TACR1: variants seen among roughly 807,000 people sequenced by gnomAD.
TACR1 encodes the protein tachykinin receptor 1.
Under a neutral mutation model 35.8 loss-of-function variants are expected in TACR1, and 25 were observed. The ratio of observed to expected loss-of-function variants is 0.70; its 90% CI spans 0.51 to 0.98. The LOEUF (loss-of-function observed/expected upper bound fraction) is 0.98. Ranked by LOEUF, TACR1 falls within the 50% of genes least tolerant of loss-of-function variation. TACR1 has a pLI of 0.00. For missense variants in TACR1, 478 were observed against 522.9 expected, an observed-to-expected ratio of 0.91 and a Z score of 0.84; for synonymous variants, 195 against 206.7, an observed-to-expected ratio of 0.94 and a Z score of 0.48.
chr2:75,190,093 C>T (rs1261448736), intron 1 of TACR1: 1 of 152,090 alleles, frequency 6.6e-6, no homozygotes, highest in African/African-American at 2.4e-5. Context: ...AGAAAACTTC[C>T]ATGATTTATA....
intron 1 of TACR1, among the ~76,000 whole-genome samples, chr2:75,128,732 T>C (rs112325549): frequency 1.3e-5 from 2 of 152,306 alleles, no homozygotes; most frequent in African/African-American, 4.8e-5. Context: ...TACCATTTCA[T>C]TTCCAGCTTG....
At chr2:75,185,050 C>T (rs983516619) in intron 1 of TACR1, among the ~76,000 whole-genome samples, 8 of 151,550 alleles carry the variant, frequency 5.3e-5, no homozygotes, top group Non-Finnish European at 8.9e-5. Context: ...CATGTTGATA[C>T]GATTAAAGAA....
chr2:75,190,578 G>A lies in TACR1; in HGVS notation c.389+7968C>T, dbSNP rs192450786. Reference sequence around the variant, plus strand: ...ATTGTGTGTCAGAGTTTACTAGAGGGCATAATATTAATTACTATTAATTGG... The same window carrying A: ...ATTGTGTGTCAGAGTTTACTAGAGGACATAATATTAATTACTATTAATTGG... On this transcript the variant is annotated intron_variant, in intron 1 of 4. Transcript: ENST00000305249. Among the ~76,000 whole-genome samples the A allele has an allele frequency of 8.5e-5, 13 of 152,264 alleles. No individual in the cohort carries two copies. In the East Asian group the frequency reaches 1.4e-3, roughly 16 times the overall value.
At chr2:75,139,443 A>G (rs945544468) in intron 1 of TACR1, among the ~76,000 whole-genome samples, 1 of 152,230 alleles carries the variant, frequency 6.6e-6, no homozygotes, top group Non-Finnish European at 1.5e-5. Flanking sequence ...GAGAGCAGCA[A>G]AGGAGAATCT....
intron 1 of TACR1, among the ~76,000 whole-genome samples, chr2:75,138,690 G>A (rs771296211): frequency 1.3e-5 from 2 of 152,084 alleles, no homozygotes; most frequent in Non-Finnish European, 2.9e-5. Flanking sequence ...GCCTCTCCTG[G>A]CTCTGTCCTT....
At chr2:75,147,487 G>A (rs1370764353) in intron 1 of TACR1, among the ~76,000 whole-genome samples, 5 of 152,166 alleles carry the variant, frequency 3.3e-5, no homozygotes, top group African/African-American at 1.2e-4. Flanking sequence ...TGCCATGGTG[G>A]TTTGCTGCAC....
chr2:75,164,640 T>C (rs1347079624), intron 1 of TACR1, among the ~76,000 whole-genome samples: 3 of 152,196 alleles, frequency 2.0e-5, no homozygotes, highest in African/African-American at 7.2e-5. Context: ...AAAAAAATTA[T>C]GTGATAACTA....
chr2:75,152,893 C>G (rs1254009124), intron 1 of TACR1, among the ~76,000 whole-genome samples: 1 of 152,096 alleles, frequency 6.6e-6, no homozygotes, highest in East Asian at 1.9e-4. Flanking sequence ...GCCAAGACTT[C>G]TTTTTTGTTT....
chr2:75,095,902 G>T (rs1673412852), intron 2 of TACR1, among the ~76,000 whole-genome samples: 1 of 152,190 alleles, frequency 6.6e-6, no homozygotes, highest in Non-Finnish European at 1.5e-5. Context: ...CCTGACTAAG[G>T]AGAAAGATTC....
intron 1 of TACR1, among the ~76,000 whole-genome samples, chr2:75,186,151 A>G (rs1208050203): frequency 1.3e-5 from 2 of 152,120 alleles, no homozygotes; most frequent in African/African-American, 4.8e-5. Context: ...AGGCGGGCGG[A>G]TCACGAGGTC....
intron 1 of TACR1, among the ~76,000 whole-genome samples, chr2:75,140,647 A>G (rs1347034689): frequency 6.6e-6 from 1 of 152,198 alleles, no homozygotes; most frequent in Non-Finnish European, 1.5e-5. Context: ...CTCCATCATC[A>G]TTATCTGTTG....
chr2:75,140,820 G>A (rs1674385848), intron 1 of TACR1, among the ~76,000 whole-genome samples: 1 of 152,184 alleles, frequency 6.6e-6, no homozygotes, highest in South Asian at 2.1e-4. Flanking sequence ...GGTATCACTT[G>A]AGATGTCTCT....
At chr2:75,111,717 A>T (rs10210154) in intron 2 of TACR1, among the ~76,000 whole-genome samples, 23,041 of 151,954 alleles carry the variant, frequency 0.15, 2,385 homozygotes, top group East Asian at 0.49. Context: ...GGTATACTGT[A>T]TATTGTATTG....
intron 2 of TACR1, among the ~76,000 whole-genome samples, chr2:75,094,098 A>T (rs1028551395): frequency 6.6e-6 from 1 of 152,238 alleles, no homozygotes; most frequent in Non-Finnish European, 1.5e-5. Context: ...ATAGCACCAC[A>T]TGCAAATAGC....
chr2:75,147,947 C>T (rs933116855), intron 1 of TACR1, among the ~76,000 whole-genome samples: 1 of 151,760 alleles, frequency 6.6e-6, no homozygotes, highest in Non-Finnish European at 1.5e-5. Context: ...GGGGTTTCAA[C>T]GTGTTAGCCA....
intron 2 of TACR1, among the ~76,000 whole-genome samples, chr2:75,062,971 G>T (rs1162302149): frequency 6.6e-6 from 1 of 152,324 alleles, no homozygotes; most frequent in Admixed American, 6.5e-5. Flanking sequence ...TGGACTTATA[G>T]TTCCACATGG....
At chr2:75,143,486 C>T (rs1265618216) in intron 1 of TACR1, among the ~76,000 whole-genome samples, 1 of 152,168 alleles carries the variant, frequency 6.6e-6, no homozygotes, top group Non-Finnish European at 1.5e-5. Flanking sequence ...CATTGGTTAA[C>T]ACTGATCGAG....
At position 75,175,652 on chromosome 2, in the gene TACR1, C is replaced by G. The variant is rs115510502; in HGVS notation, c.389+22894G>C. Among the ~76,000 whole-genome samples the G allele has an allele frequency of 7.4e-3, 1,133 of 152,248 alleles. 13 individuals are homozygous for G. The highest frequency in any genetic ancestry group is 0.025 in the African/African-American group (1,058 of 41,542). On this transcript the variant is annotated intron_variant, in intron 1 of 4. Transcript: ENST00000305249. The stretch of plus-strand genomic sequence containing the variant: ...CCCTCCCGCTGACTTTGATCCTCCT[C>G]CTTCCCACTTTCACTGCGAGGCTGC...
chr2:75,116,906 G>C (rs1415141238), intron 2 of TACR1, among the ~76,000 whole-genome samples: 2 of 150,404 alleles, frequency 1.3e-5, no homozygotes, highest in Non-Finnish European at 3.0e-5. Flanking sequence ...GTGAAACTCC[G>C]TCTCAAAAAA....
Sources: gnomAD v4.1 joint callset for allele counts (sites outside exome capture counted in the v4.1 genomes callset) on GRCh38, gnomAD v4.1.1 for gene constraint, MANE v1.5 for transcripts, NCBI Gene and HGNC (gene_info 2026-07-23, HGNC 2026-07-21) for gene names.